The following EMCN variants were observed in gnomAD, a reference collection of about 807,000 sequenced individuals.
The protein encoded by EMCN is endomucin.
EMCN carries 37 observed loss-of-function variants against 38.4 expected under a neutral mutation model. That is an observed-to-expected ratio of 0.96 (90% CI 0.74 to 1.27). The LOEUF (loss-of-function observed/expected upper bound fraction) is 1.27. Among genes scored for constraint, EMCN ranks in the 50% most tolerant of loss-of-function variants. The pLI, the probability that EMCN is intolerant of heterozygous loss-of-function variation, is 0.00. For missense variants in EMCN, 318 were observed against 302.8 expected, an observed-to-expected ratio of 1.05 and a Z score of -0.37; for synonymous variants, 95 against 100.8, an observed-to-expected ratio of 0.94 and a Z score of 0.35.
chr4:100,504,192 A>G (rs577034444), intron 1 of EMCN, among the ~76,000 whole-genome samples: 5 of 152,290 alleles, frequency 3.3e-5, no homozygotes, highest in South Asian at 2.1e-4. Context: ...TGCTCCCTCA[A>G]TTCAAACCTA....
intron 3 of EMCN, among the ~76,000 whole-genome samples, chr4:100,466,642 G>A (rs979658381): frequency 5.3e-5 from 8 of 152,202 alleles, no homozygotes; most frequent in Non-Finnish European, 1.2e-4. Flanking sequence ...CATTTCAGAG[G>A]TATCATGAAG....
intron 3 of EMCN, among the ~76,000 whole-genome samples, chr4:100,472,919 TATAGATAG>T (rs142505285): frequency 3.3e-5 from 5 of 150,276 alleles, no homozygotes; most frequent in Non-Finnish European, 5.9e-5. Flanking sequence ...GGTTATGTTT[TATAGATAG>T]ATAGATAGAT....
At chr4:100,454,143 T>G (rs182352760) in intron 4 of EMCN, among the ~76,000 whole-genome samples, 1 of 150,562 alleles carries the variant, frequency 6.6e-6, no homozygotes, top group Non-Finnish European at 1.5e-5. Flanking sequence ...CTGCAAGTTG[T>G]GCACATGTAC....
chr4:100,454,238 C>CAAAA (rs397879572), intron 4 of EMCN, among the ~76,000 whole-genome samples: 74 of 124,476 alleles, frequency 5.9e-4, no homozygotes, highest in East Asian at 4.8e-3. Context: ...AAGCCATTAG[C>CAAAA]AAAAAAAAAA....
At chr4:100,509,978 C>G (rs934590699) in intron 1 of EMCN, among the ~76,000 whole-genome samples, 1 of 152,134 alleles carries the variant, frequency 6.6e-6, no homozygotes, top group African/African-American at 2.4e-5. Context: ...AACACCAATA[C>G]CATGTCAATA....
Position 100,397,575 on chromosome 4 carries a change from A to T in EMCN, c.*838T>A, listed in dbSNP as rs1726150719. ...AATCATGATCCTATTATCTTAATGA[A>T]TGCAGTATAGTGTTATAAATGCCCT... On this transcript the variant is annotated 3_prime_UTR_variant, in exon 12 of 12. Coordinates refer to ENST00000296420, the MANE Select transcript of EMCN (RefSeq NM_016242.4). 1 of 152,184 alleles carries T rather than the reference A, an allele frequency of 6.6e-6. No individual in the cohort carries two copies. The highest frequency in any genetic ancestry group is 1.9e-4 in the East Asian group (1 of 5,186). The allele number at this position is 152,184 out of a possible 1,614,324, so 9.4% of individuals were successfully genotyped here. A position where few individuals can be genotyped will look rare whatever the true frequency, so the allele number is the denominator to read the frequency against.
chr4:100,517,949 C>A lies in EMCN; in HGVS notation c.-35G>T. 6.2e-7 allele frequency: 1 copy of A among 1,605,752 alleles called. No homozygotes were observed. Among genetic ancestry groups the A allele is most frequent in the Non-Finnish European group, 8.5e-7 (1 of 1,172,898 alleles). On this transcript the variant is annotated 5_prime_UTR_variant, in exon 1 of 12. Transcript: ENST00000296420. ...AGATGGTGTCAATATCTTCTTTCTC[C>A]AGAAGCAGGCAGGGACAATTCCCTC... is the stretch of plus-strand genomic sequence containing the variant.
chr4:100,471,457 T>A (rs944004205), intron 3 of EMCN, among the ~76,000 whole-genome samples: 2 of 151,896 alleles, frequency 1.3e-5, no homozygotes, highest in African/African-American at 2.4e-5. Flanking sequence ...TTTAAAAAAA[T>A]TTCATAAAGA....
At chr4:100,443,346 A>G (rs1727575227) in intron 5 of EMCN, among the ~76,000 whole-genome samples, 1 of 152,220 alleles carries the variant, frequency 6.6e-6, no homozygotes, top group Non-Finnish European at 1.5e-5. Context: ...TTTCAGTTGC[A>G]TATGGGTCTG....
chr4:100,415,387 A>G (rs1304010684), intron 10 of EMCN, among the ~76,000 whole-genome samples: 1 of 152,168 alleles, frequency 6.6e-6, no homozygotes, highest in African/African-American at 2.4e-5. Context: ...TACAATTCCA[A>G]TCAAATGAAT....
chr4:100,476,847 T>C (rs907473896), intron 2 of EMCN, among the ~76,000 whole-genome samples: 5 of 152,228 alleles, frequency 3.3e-5, no homozygotes, highest in African/African-American at 1.2e-4. Context: ...AGGCACTTCA[T>C]TTTCTATTCA....
intron 5 of EMCN, among the ~76,000 whole-genome samples, chr4:100,445,344 T>C (rs916638198): frequency 2.0e-5 from 3 of 152,190 alleles, no homozygotes; most frequent in African/African-American, 7.2e-5. Context: ...TACTTATTTT[T>C]AATCTCCCAA....
At chr4:100,514,009 T>A (rs967038407) in intron 1 of EMCN, among the ~76,000 whole-genome samples, 1 of 152,098 alleles carries the variant, frequency 6.6e-6, no homozygotes, top group Non-Finnish European at 1.5e-5. Flanking sequence ...TATACGGGCA[T>A]CCAGAAGAAG....
intron 1 of EMCN, among the ~76,000 whole-genome samples, chr4:100,495,016 G>T (rs1321416222): frequency 6.6e-6 from 1 of 151,900 alleles, no homozygotes; most frequent in Non-Finnish European, 1.5e-5. Flanking sequence ...TTAAAAAAAA[G>T]TCATAAGAAT....
chr4:100,400,294 C>G (rs1338522812), intron 11 of EMCN, among the ~76,000 whole-genome samples: 2 of 151,742 alleles, frequency 1.3e-5, no homozygotes, highest in African/African-American at 2.4e-5. Flanking sequence ...AATTCTTTTC[C>G]TATTTGTACA....
chr4:100,495,649 G>A (rs867987759), intron 1 of EMCN, among the ~76,000 whole-genome samples: 17 of 151,988 alleles, frequency 1.1e-4, no homozygotes, highest in African/African-American at 3.6e-4. Flanking sequence ...TGATCAATAC[G>A]TAATTTCTTT....
chr4:100,476,747 G>A (rs1728661797), intron 2 of EMCN, among the ~76,000 whole-genome samples: 1 of 152,076 alleles, frequency 6.6e-6, no homozygotes, highest in African/African-American at 2.4e-5. Context: ...TTCATATTTT[G>A]TGATGATAAA....
At chr4:100,414,746 T>G (rs1372515461) in intron 10 of EMCN, among the ~76,000 whole-genome samples, 1 of 152,182 alleles carries the variant, frequency 6.6e-6, no homozygotes, top group African/African-American at 2.4e-5. Context: ...AATATCTTGC[T>G]CTTGATTTGG....
rs138537986 is a variant in EMCN at position 100,440,237 on chromosome 4, G to A, written c.415+7296C>T. On this transcript the variant is annotated intron_variant, in intron 5 of 11. Transcript: ENST00000296420. ...TTTTAAATTATTTTTTATTAATTTT[G>A]TGTTCTTTTTTATTTTAATAGCTTT... 4.1e-3 allele frequency among the ~76,000 whole-genome samples: 627 copies of A among 152,046 alleles called. 6 individuals are homozygous for A. The highest frequency in any genetic ancestry group is 6.5e-3 in the Admixed American group (100 of 15,274).
Sources: gnomAD v4.1 joint callset for allele counts (sites outside exome capture counted in the v4.1 genomes callset) on GRCh38, gnomAD v4.1.1 for gene constraint, MANE v1.5 for transcripts, NCBI Gene and HGNC (gene_info 2026-07-23, HGNC 2026-07-21) for gene names.